The following RNF13 variants were observed in gnomAD, a reference collection of about 807,000 sequenced individuals.
The protein encoded by RNF13 is E3 ubiquitin-protein ligase RNF13.
RNF13 carries 19 observed loss-of-function variants against 37.7 expected under a neutral mutation model. The ratio of observed to expected loss-of-function variants is 0.50; its 90% CI spans 0.35 to 0.74. RNF13 has a LOEUF of 0.74. RNF13 is among the 30% of genes least tolerant of loss of function. The pLI is 0.01. For missense variants in RNF13, 375 were observed against 453.0 expected, an observed-to-expected ratio of 0.83 and a Z score of 1.56; for synonymous variants, 144 against 157.8, an observed-to-expected ratio of 0.91 and a Z score of 0.65.
intron 2 of RNF13, among the ~76,000 whole-genome samples, 160 bp from the exon 3 acceptor site, chr3:149,852,356 A>G (rs943894738): frequency 6.6e-6 from 1 of 152,148 alleles, no homozygotes; most frequent in Non-Finnish European, 1.5e-5. Flanking sequence ...TATTCCTTCT[A>G]TTTTAGTGGA....
At chr3:149,836,119 A>G (rs1455972631) in intron 1 of RNF13, among the ~76,000 whole-genome samples, 1 of 152,092 alleles carries the variant, frequency 6.6e-6, no homozygotes, top group African/African-American at 2.4e-5. Flanking sequence ...AGTGGTTTTG[A>G]TTTGCATTTC....
At chr3:149,820,220 T>C (rs1386162017) in intron 1 of RNF13, among the ~76,000 whole-genome samples, 1 of 152,060 alleles carries the variant, frequency 6.6e-6, no homozygotes, top group African/African-American at 2.4e-5. Flanking sequence ...TTCTTTCTTT[T>C]TTTTTTGTTT....
chr3:149,880,391 A>G (rs1335227676), intron 4 of RNF13, among the ~76,000 whole-genome samples: 1 of 152,200 alleles, frequency 6.6e-6, no homozygotes. Context: ...ATACATAGGT[A>G]ACTAGAGAAT....
intron 4 of RNF13, among the ~76,000 whole-genome samples, chr3:149,883,888 T>G (rs887778575): frequency 6.6e-6 from 1 of 152,140 alleles, no homozygotes; most frequent in Non-Finnish European, 1.5e-5. Flanking sequence ...CAGTGTATGT[T>G]CTCCACCCTG....
At chr3:149,886,089 G>T (rs1014108394) in intron 4 of RNF13, among the ~76,000 whole-genome samples, 1 of 152,104 alleles carries the variant, frequency 6.6e-6, no homozygotes, top group African/African-American at 2.4e-5. Flanking sequence ...CCATTGTTCT[G>T]TGTATCTTTT....
At chr3:149,881,642 T>C (rs566918098) in intron 4 of RNF13, among the ~76,000 whole-genome samples, 1 of 152,320 alleles carries the variant, frequency 6.6e-6, no homozygotes, top group East Asian at 1.9e-4. Context: ...ACATAAGATC[T>C]TTAATAATTT....
chr3:149,818,198 G>A (rs990269897), intron 1 of RNF13, among the ~76,000 whole-genome samples: 1 of 152,194 alleles, frequency 6.6e-6, no homozygotes, highest in Non-Finnish European at 1.5e-5. Context: ...TATTTGTTGA[G>A]TACCTTCTTT....
chr3:149,846,843 A>G (rs1003568567), intron 2 of RNF13, among the ~76,000 whole-genome samples: 2 of 152,218 alleles, frequency 1.3e-5, no homozygotes, highest in Non-Finnish European at 2.9e-5. Flanking sequence ...ATTCTATAAG[A>G]TGTTCATAGA....
intron 1 of RNF13, among the ~76,000 whole-genome samples, chr3:149,838,435 G>T (rs1348288668): frequency 2.0e-5 from 3 of 152,208 alleles, no homozygotes; most frequent in Non-Finnish European, 4.4e-5. Flanking sequence ...TTTTGACTGG[G>T]GATCCAGGCA....
At chr3:149,948,594 A>G (rs1721006157) in intron 8 of RNF13, among the ~76,000 whole-genome samples, 1 of 152,240 alleles carries the variant, frequency 6.6e-6, no homozygotes, top group Admixed American at 6.5e-5. Context: ...TAAATATTTC[A>G]AACTGACAAA....
chr3:149,845,842 C>A (rs1329208220), intron 1 of RNF13, 169 bp from the exon 2 acceptor site: 2 of 515,846 alleles, frequency 3.9e-6, no homozygotes, highest in Admixed American at 7.1e-5. Flanking sequence ...ACCTAAATGT[C>A]CAAATCTGTG....
chr3:149,960,088 G>A lies in RNF13; in HGVS notation c.733G>A (p.Asp245Asn), dbSNP rs768579581. 4 of 1,612,486 alleles carry A rather than the reference G, an allele frequency of 2.5e-6. No homozygotes were observed. Among genetic ancestry groups the A allele is most frequent in the South Asian group, 2.2e-5 (2 of 91,036 alleles). Reference protein sequence around the residue: ...DEYDVCAICLDEYEDGDKLRI... With the variant: ...DEYDVCAICLNEYEDGDKLRI... ...GTATGATGTATGTGCCATTTGTTTG[G>A]ATGAGTATGAAGATGGAGACAAACT... The change falls in exon 9 of 10, where the codon GAT becomes AAT. Residue 245 changes from aspartate to asparagine, a missense_variant. Physicochemically the swap from Asp to Asn is conservative, Grantham distance 23 (BLOSUM62 1). Transcript: ENST00000392894.
intron 3 of RNF13, among the ~76,000 whole-genome samples, chr3:149,860,300 T>TATATATATATAA (rs1467450547): frequency 8.7e-4 from 112 of 128,624 alleles, no homozygotes; most frequent in South Asian, 1.7e-3. Context: ...TATATATATA[T>TATATATATATAA]AACGTGTATA....
Position 149,947,118 on chromosome 3 carries a change from G to A in RNF13, c.701-12938G>A, listed in dbSNP as rs540462340. Among the ~76,000 whole-genome samples, 4 of 152,172 alleles carry A rather than the reference G, an allele frequency of 2.6e-5. No individual in the cohort carries two copies. The East Asian group carries it at 5.8e-4, about 22-fold the overall frequency. Reference sequence around the variant, plus strand: ...TGATTTGTAGTTTCATTGTGCTGAGGTTGGAGAATATATTTGTATGACTTC... The same window carrying A: ...TGATTTGTAGTTTCATTGTGCTGAGATTGGAGAATATATTTGTATGACTTC... On this transcript the variant is annotated intron_variant, in intron 8 of 9. Coordinates refer to ENST00000392894, the MANE Select transcript of RNF13 (RefSeq NM_183381.3).
At chr3:149,813,620 C>A (rs955135921) in intron 1 of RNF13, among the ~76,000 whole-genome samples, 3 of 152,206 alleles carry the variant, frequency 2.0e-5, no homozygotes, top group African/African-American at 7.2e-5. Context: ...TTCTCTCATT[C>A]CCTTCTTGAG....
At chr3:149,853,888 G>A (rs1723390553) in intron 3 of RNF13, among the ~76,000 whole-genome samples, 2 of 145,042 alleles carry the variant, frequency 1.4e-5, no homozygotes, top group South Asian at 2.2e-4. Context: ...CCAGACTGGA[G>A]CACAGTGGCA....
intron 6 of RNF13, among the ~76,000 whole-genome samples, chr3:149,908,287 G>A (rs973311637): frequency 6.6e-6 from 1 of 152,134 alleles, no homozygotes; most frequent in Non-Finnish European, 1.5e-5. Flanking sequence ...GATTGCTGGG[G>A]TGTGGCCTTT....
Position 149,920,790 on chromosome 3 carries a change from C to CTTTTTT in RNF13, c.607-330_607-325dup, listed in dbSNP as rs34551883. The stretch of plus-strand genomic sequence containing the variant: ...ATATAGGAATATCAACCTTCCCATT[C>CTTTTTT]TTTTTTTTTTTTTTTTTTTACCCAT... On this transcript the variant is annotated intron_variant, in intron 7 of 9. Transcript: ENST00000392894. Among the ~76,000 whole-genome samples, 6 of 124,008 alleles carry CTTTTTT rather than the reference C, an allele frequency of 4.8e-5. No individual in the cohort carries two copies. The South Asian group carries it at 7.8e-4, about 16-fold the overall frequency. The allele number at this position is 124,008 out of a possible 152,430, so 81.4% of individuals were successfully genotyped here.
chr3:149,824,480 G>A (rs1720283855), intron 1 of RNF13, among the ~76,000 whole-genome samples: 1 of 152,224 alleles, frequency 6.6e-6, no homozygotes. Context: ...CTTTGAAGAT[G>A]GAAGAAGAGG....
Sources: allele counts gnomAD v4.1 joint callset (sites outside exome capture counted in the v4.1 genomes callset), GRCh38; gene constraint gnomAD v4.1.1; transcripts MANE v1.5; gene names NCBI Gene and HGNC (gene_info 2026-07-23, HGNC 2026-07-21).